SLCO6A1: variants seen among roughly 807,000 people sequenced by gnomAD.
SLCO6A1 encodes cancer/testis antigen 48.
Under a neutral mutation model 72.7 loss-of-function variants are expected in SLCO6A1, and 65 were observed. That is an observed-to-expected ratio of 0.89 (90% confidence interval 0.73 to 1.10). SLCO6A1 has a LOEUF of 1.10. Among genes scored for constraint, SLCO6A1 ranks in the 50% least tolerant of loss-of-function variants. The pLI is 0.00. For synonymous variants in SLCO6A1, 314 were observed against 298.2 expected (o/e 1.05, Z -0.55); for missense variants, 874 against 872.6 (o/e 1.00, Z -0.02).
At chr5:102,391,338 T>A in intron 10 of SLCO6A1, 1 of 349,092 alleles carries the variant, frequency 2.9e-6, no homozygotes, top group Non-Finnish European at 5.3e-6. Flanking sequence ...GACTTAGCAC[T>A]AGATTTTATA....
intron 12 of SLCO6A1, among the ~76,000 whole-genome samples, chr5:102,379,037 T>G (rs1745968920): frequency 6.6e-6 from 1 of 152,156 alleles, no homozygotes; most frequent in Non-Finnish European, 1.5e-5. Flanking sequence ...CACCTCGGCC[T>G]CCCAAAGTGC....
At chr5:102,462,684 A>T (rs766872950) in intron 4 of SLCO6A1, among the ~76,000 whole-genome samples, 2 of 152,236 alleles carry the variant, frequency 1.3e-5, no homozygotes, top group Non-Finnish European at 2.9e-5. Context: ...GGCAAGCAAC[A>T]TGTAGAAGAA....
intron 8 of SLCO6A1, among the ~76,000 whole-genome samples, chr5:102,419,034 C>T (rs908484703): frequency 6.6e-6 from 1 of 151,968 alleles, no homozygotes; most frequent in Non-Finnish European, 1.5e-5. Context: ...TGCTTTTGCC[C>T]AAACTCTTCA....
At chr5:102,477,615 C>T (rs1400229947) in intron 3 of SLCO6A1, 61 bp downstream of exon 3, 3 of 1,410,796 alleles carry the variant, frequency 2.1e-6, no homozygotes, top group African/African-American at 1.4e-5. Flanking sequence ...CTTAGATATG[C>T]ATACCAAAAT....
intron 11 of SLCO6A1, among the ~76,000 whole-genome samples, chr5:102,390,395 A>G (rs543348926): frequency 6.6e-6 from 1 of 152,288 alleles, no homozygotes; most frequent in South Asian, 2.1e-4. Flanking sequence ...TCAGAGCCGC[A>G]CTTAGATTTT....
chr5:102,487,006 C>T (rs1302410151), intron 1 of SLCO6A1, among the ~76,000 whole-genome samples: 1 of 152,096 alleles, frequency 6.6e-6, no homozygotes, highest in Non-Finnish European at 1.5e-5. Flanking sequence ...CATTATCTAA[C>T]AATTTGAAAA....
chr5:102,456,894 C>T (rs371303710), intron 6 of SLCO6A1, among the ~76,000 whole-genome samples: 1 of 152,036 alleles, frequency 6.6e-6, no homozygotes, highest in Admixed American at 6.5e-5. Context: ...GTACTGGTAC[C>T]AAAACAGAGA....
At chr5:102,428,443 T>C (rs1003347556) in intron 7 of SLCO6A1, among the ~76,000 whole-genome samples, 9 of 152,026 alleles carry the variant, frequency 5.9e-5, no homozygotes, top group African/African-American at 2.2e-4. Context: ...GATAACAAGG[T>C]AGGAAATCTT....
chr5:102,438,119 T>A (rs920410958), intron 7 of SLCO6A1, among the ~76,000 whole-genome samples: 4 of 151,946 alleles, frequency 2.6e-5, no homozygotes, highest in African/African-American at 9.7e-5. Context: ...CAACAACATA[T>A]CCATTAATTG....
chr5:102,379,232 G>A (rs1381431792), intron 12 of SLCO6A1, among the ~76,000 whole-genome samples: 1 of 151,950 alleles, frequency 6.6e-6, no homozygotes, highest in Non-Finnish European at 1.5e-5. Flanking sequence ...TTGGTTCACT[G>A]TATTCCACAT....
chr5:102,419,909 C>A lies in SLCO6A1; in HGVS notation c.1389G>T (p.Val463=), dbSNP rs1387354210. The part of the protein sequence containing the change: ...ALMRFIMVTS[V]ISLILLVFII... ...TAAACACAAGCAGTATAAGTGATAT[C>A]ACAGATGTAACCATTATAAATCTCA... Residue 463 remains valine (V), a synonymous_variant, in exon 8 of 14, where the codon GTG becomes GTT. Transcript: ENST00000506729. The A allele has an allele frequency of 1.2e-6, 2 of 1,608,474 alleles. No homozygotes were observed. Among genetic ancestry groups the A allele is most frequent in the East Asian group, 4.5e-5 (2 of 44,558 alleles).
chr5:102,450,012 C>A (rs968743373), intron 6 of SLCO6A1, among the ~76,000 whole-genome samples: 1 of 152,166 alleles, frequency 6.6e-6, no homozygotes, highest in Admixed American at 6.5e-5. Flanking sequence ...AAAATGGCTA[C>A]TTAAGCTTTC....
At chr5:102,428,809 T>C (rs1303629329) in intron 7 of SLCO6A1, among the ~76,000 whole-genome samples, 2 of 152,200 alleles carry the variant, frequency 1.3e-5, no homozygotes, top group Non-Finnish European at 2.9e-5. Flanking sequence ...TCTGGGTATA[T>C]ATCCAGTAAT....
chr5:102,458,873 T>G (rs2112757467), intron 5 of SLCO6A1, among the ~76,000 whole-genome samples: 1 of 152,324 alleles, frequency 6.6e-6, no homozygotes. Flanking sequence ...AAAACTATTT[T>G]GTGCCAATGA....
At position 102,410,821 on chromosome 5, in the gene SLCO6A1, TCTAA is replaced by T. The variant is rs573639409; in HGVS notation, c.1626+2165_1626+2168del. ...CACATGTGTTATTGCCCCATGAACC[TCTAA>T]CTAAGTCTCTCACTTTCCTGGATGT... On this transcript the variant is annotated intron_variant, in intron 9 of 13. Transcript: ENST00000506729. 2.3e-3 allele frequency among the ~76,000 whole-genome samples: 345 copies of T among 152,254 alleles called. 2 individuals are homozygous for T. Among genetic ancestry groups the T allele is most frequent in the Middle Eastern group, 6.8e-3 (2 of 294 alleles).
intron 12 of SLCO6A1, among the ~76,000 whole-genome samples, chr5:102,386,914 C>A (rs80032208): frequency 0.01 from 1,592 of 152,272 alleles, 30 homozygotes; most frequent in Admixed American, 0.043. Flanking sequence ...TCTCTCTGCA[C>A]TGTTCTGCCA....
chr5:102,424,146 C>T (rs1355755823), intron 7 of SLCO6A1, among the ~76,000 whole-genome samples: 2 of 152,112 alleles, frequency 1.3e-5, no homozygotes, highest in Non-Finnish European at 2.9e-5. Flanking sequence ...ATTTATAGCA[C>T]TAAATGCCCA....
chr5:102,383,095 A>ATATATATATATATAT (rs1554064835), intron 12 of SLCO6A1, among the ~76,000 whole-genome samples: 19,647 of 127,948 alleles, frequency 0.15, 1,780 homozygotes, highest in East Asian at 0.21. Flanking sequence ...TATGTGTGTG[A>ATATATATATATATAT]ATATATATAT....
chr5:102,475,487 CA>C (rs1273107067), intron 4 of SLCO6A1, among the ~76,000 whole-genome samples: 1 of 151,968 alleles, frequency 6.6e-6, no homozygotes, highest in Non-Finnish European at 1.5e-5. Context: ...ACATAGTTAA[CA>C]GTGCTGTACT....
Sources: gnomAD v4.1 joint callset for allele counts (sites outside exome capture counted in the v4.1 genomes callset) on GRCh38, gnomAD v4.1.1 for gene constraint, MANE v1.5 for transcripts, NCBI Gene and HGNC (gene_info 2026-07-23, HGNC 2026-07-21) for gene names.